COL24A1: variants seen among roughly 807,000 people sequenced by gnomAD.
COL24A1 encodes collagen type XXIV alpha 1 chain, also known as collagen alpha-1(XXIV) chain.
A neutral mutation model predicts 253.9 loss-of-function variants in COL24A1; 224 were observed. The ratio of observed to expected loss-of-function variants is 0.88; its 90% CI spans 0.79 to 0.99. The LOEUF is 0.99. COL24A1 is among the 50% of genes least tolerant of loss of function. The pLI, the probability that COL24A1 is intolerant of heterozygous loss-of-function variation, is 0.00. For missense variants in COL24A1, 2,131 were observed against 2,068.5 expected (o/e 1.03, Z -0.59); for synonymous variants, 685 against 673.7 (o/e 1.02, Z -0.26).
chr1:85,994,554 G>T (rs76315258), intron 19 of COL24A1, among the ~76,000 whole-genome samples: 10,440 of 152,076 alleles, frequency 0.069, 429 homozygotes, highest in Middle Eastern at 0.13. Flanking sequence ...ACACTCACAA[G>T]ATTTTGTTTT....
intron 10 of COL24A1, among the ~76,000 whole-genome samples, chr1:86,052,293 C>A (rs957930109): frequency 2.0e-5 from 3 of 152,006 alleles, no homozygotes; most frequent in Non-Finnish European, 4.4e-5. Context: ...TATACCCATT[C>A]CAGCATTATT....
intron 2 of COL24A1, among the ~76,000 whole-genome samples, chr1:86,135,707 C>G (rs1489046454): frequency 6.6e-6 from 1 of 151,978 alleles, no homozygotes; most frequent in African/African-American, 2.4e-5. Context: ...CCTTCTTTTA[C>G]TTTTCCCTGA....
At chr1:85,902,047 G>A (rs377229762) in intron 28 of COL24A1, among the ~76,000 whole-genome samples, 2 of 152,182 alleles carry the variant, frequency 1.3e-5, no homozygotes, top group South Asian at 4.1e-4. Flanking sequence ...ATAATTTGTA[G>A]GAACATGGAT....
At chr1:85,803,905 A>T (rs535289873) in intron 47 of COL24A1, among the ~76,000 whole-genome samples, 18 of 152,312 alleles carry the variant, frequency 1.2e-4, no homozygotes, top group African/African-American at 4.3e-4. Context: ...TAGAATTTCC[A>T]GTACAATATT....
chr1:85,958,309 CA>C (rs1690684148), intron 24 of COL24A1, among the ~76,000 whole-genome samples: 1 of 152,028 alleles, frequency 6.6e-6, no homozygotes. Context: ...GTCATTTCCT[CA>C]AAACAGCCTT....
At chr1:85,893,525 A>G (rs1326589159) in intron 31 of COL24A1, among the ~76,000 whole-genome samples, 1 of 152,162 alleles carries the variant, frequency 6.6e-6, no homozygotes, top group Non-Finnish European at 1.5e-5. Flanking sequence ...TATATTATTT[A>G]GAGAACCTAA....
At chr1:86,105,701 C>T (rs981306955) in intron 5 of COL24A1, among the ~76,000 whole-genome samples, 1 of 152,180 alleles carries the variant, frequency 6.6e-6, no homozygotes, top group African/African-American at 2.4e-5. Flanking sequence ...GGGCTCCACA[C>T]TGGCTGAGTG....
At chr1:86,074,140 A>G (rs956134100) in intron 7 of COL24A1, among the ~76,000 whole-genome samples, 2 of 152,232 alleles carry the variant, frequency 1.3e-5, no homozygotes, top group Non-Finnish European at 2.9e-5. Context: ...AATGGGCTAA[A>G]TGCCCCAATT....
chr1:86,015,883 CTTTTT>C (rs34005326), intron 19 of COL24A1, among the ~76,000 whole-genome samples: 2 of 136,198 alleles, frequency 1.5e-5, no homozygotes, highest in Non-Finnish European at 3.2e-5. Flanking sequence ...TCTACTTTTT[CTTTTT>C]TTTTTTTTTT....
chr1:85,968,601 C>T (rs1173412734), intron 22 of COL24A1, among the ~76,000 whole-genome samples: 2 of 152,072 alleles, frequency 1.3e-5, no homozygotes, highest in Non-Finnish European at 1.5e-5. Flanking sequence ...ATATACAGAA[C>T]AAGAAATATA....
At chr1:85,990,079 T>C (rs1297819286) in intron 19 of COL24A1, among the ~76,000 whole-genome samples, 1 of 152,216 alleles carries the variant, frequency 6.6e-6, no homozygotes, top group African/African-American at 2.4e-5. Context: ...AAAAAATGCT[T>C]TGTCGTTGTT....
rs144242613 is a variant in COL24A1 at position 85,917,282 on chromosome 1, A to C, written c.2563-5849T>G. Reference sequence around the variant, plus strand: ...GAAGACACATGGGAATTATACACACAACTTTAGGATAAGGGCTAATGTCTG... The same window carrying C: ...GAAGACACATGGGAATTATACACACCACTTTAGGATAAGGGCTAATGTCTG... On this transcript the variant is annotated intron_variant, in intron 24 of 59. Coordinates refer to ENST00000370571, the MANE Select transcript of COL24A1 (RefSeq NM_152890.7). 6.6e-5 allele frequency among the ~76,000 whole-genome samples: 10 copies of C among 152,322 alleles called. No homozygotes were observed. The East Asian group carries it at 1.7e-3, about 26-fold the overall frequency.
intron 53 of COL24A1, among the ~76,000 whole-genome samples, chr1:85,774,220 C>T (rs145403312): frequency 9.9e-5 from 15 of 152,212 alleles, no homozygotes; most frequent in East Asian, 9.7e-4. Context: ...GGAATGAAGG[C>T]GACTTGATCG....
chr1:85,998,661 T>C (rs1463662997), intron 19 of COL24A1, among the ~76,000 whole-genome samples: 1 of 152,230 alleles, frequency 6.6e-6, no homozygotes, highest in Non-Finnish European at 1.5e-5. Context: ...CAGAGATTTT[T>C]GCATTGCTTC....
chr1:85,769,249 G>A (rs987849892), intron 53 of COL24A1, among the ~76,000 whole-genome samples: 2 of 152,094 alleles, frequency 1.3e-5, no homozygotes, highest in African/African-American at 4.8e-5. Context: ...CAGTTAAAAT[G>A]TTTGTGTCTT....
chr1:85,880,649 T>C (rs1281113962), intron 32 of COL24A1, among the ~76,000 whole-genome samples: 2 of 152,162 alleles, frequency 1.3e-5, no homozygotes, highest in Non-Finnish European at 2.9e-5. Flanking sequence ...GTAAGTATAA[T>C]GTTGGCTATA....
At position 85,816,882 on chromosome 1, in the gene COL24A1, A is replaced by G; in HGVS notation, c.3857T>C (p.Leu1286Pro). 1 of 1,613,218 alleles carries G rather than the reference A, an allele frequency of 6.2e-7. No individual in the cohort carries two copies. Among genetic ancestry groups the G allele is most frequent in the Non-Finnish European group, 8.5e-7 (1 of 1,179,238 alleles). ...TCCTTGTATGCCTTTTGGCCCAAGT[A>G]GGCCTTGAAGTCCCTTGATAATTAA... ...GKPGIPGLQG[L>P]LGPKGIQGYH... is the part of the protein sequence containing the mutation. The change falls in exon 47 of 60, where the codon CTA becomes CCA. Residue 1286 changes from leucine (L) to proline (P), a missense_variant. By Grantham distance (98) the Leu-to-Pro change is moderately conservative. Coordinates refer to ENST00000370571, the MANE Select transcript of COL24A1 (RefSeq NM_152890.7).
chr1:85,796,308 G>A (rs1241510898), intron 47 of COL24A1, among the ~76,000 whole-genome samples: 2 of 152,094 alleles, frequency 1.3e-5, no homozygotes, highest in African/African-American at 4.8e-5. Context: ...TACAACTGAT[G>A]TTTTATCAAT....
At chr1:85,747,584 A>C (rs1269587549) in intron 55 of COL24A1, among the ~76,000 whole-genome samples, 1 of 152,168 alleles carries the variant, frequency 6.6e-6, no homozygotes, top group Non-Finnish European at 1.5e-5. Context: ...CCAGTTTTAC[A>C]CTTTTGTGCA....
Sources: allele counts gnomAD v4.1 joint callset (sites outside exome capture counted in the v4.1 genomes callset), GRCh38; gene constraint gnomAD v4.1.1; transcripts MANE v1.5; gene names NCBI Gene and HGNC (gene_info 2026-07-23, HGNC 2026-07-21).